Variants in TMEM232 observed in about 807,000 individuals in gnomAD.
The protein encoded by TMEM232 is transmembrane protein 232.
Under a neutral mutation model 78.8 loss-of-function variants are expected in TMEM232, and 80 were observed. That is an observed-to-expected ratio of 1.01 (90% CI 0.85 to 1.22). The LOEUF (loss-of-function observed/expected upper bound fraction) is 1.22, where lower values mean the gene tolerates loss of function less well. Among genes scored for constraint, TMEM232 ranks in the 50% most tolerant of loss-of-function variants. The probability of loss-of-function intolerance (pLI) is 0.00; values close to 1 mark genes in which losing one functional copy is unlikely to be tolerated. For synonymous variants in TMEM232, 297 were observed against 254.3 expected, an observed-to-expected ratio of 1.17 and a Z score of -1.60; for missense variants, 881 against 742.2, an observed-to-expected ratio of 1.19 and a Z score of -2.17.
At chr5:110,719,228 T>C (rs1255396422) in intron 1 of TMEM232, among the ~76,000 whole-genome samples, 2 of 151,882 alleles carry the variant, frequency 1.3e-5, no homozygotes, top group Non-Finnish European at 2.9e-5. Context: ...TATATATGTG[T>C]ATATATACAC....
chr5:110,516,135 A>G (rs1157954452), intron 12 of TMEM232, among the ~76,000 whole-genome samples: 1 of 152,114 alleles, frequency 6.6e-6, no homozygotes, highest in Non-Finnish European at 1.5e-5. Context: ...GCTACTCAGG[A>G]GGCTGACGCA....
chr5:110,486,564 T>C (rs1216326585), intron 12 of TMEM232, among the ~76,000 whole-genome samples: 1 of 152,180 alleles, frequency 6.6e-6, no homozygotes, highest in Non-Finnish European at 1.5e-5. Context: ...CACCATTTGT[T>C]GAAAAGGGTA....
chr5:110,653,386 C>T (rs985435575), intron 2 of TMEM232, among the ~76,000 whole-genome samples: 1 of 152,160 alleles, frequency 6.6e-6, no homozygotes, highest in African/African-American at 2.4e-5. Context: ...TAGTTCCTGG[C>T]ATATATTCAG....
intron 1 of TMEM232, among the ~76,000 whole-genome samples, chr5:110,672,403 G>C: frequency 6.6e-6 from 1 of 152,150 alleles, no homozygotes; most frequent in East Asian, 1.9e-4. Flanking sequence ...TATTTTAGCA[G>C]TACTGGTAAA....
chr5:110,495,356 G>C (rs1765532926), intron 12 of TMEM232, among the ~76,000 whole-genome samples: 1 of 151,804 alleles, frequency 6.6e-6, no homozygotes, highest in Admixed American at 6.6e-5. Flanking sequence ...GATTTAATTG[G>C]ACTGGGGAAG....
In TMEM232 at chr5:110,534,901, T is replaced by C. The variant is rs188371679; in HGVS notation, c.1456-6066A>G. Among the ~76,000 whole-genome samples, 1,477 of 152,112 alleles carry C rather than the reference T, an allele frequency of 9.7e-3. 34 individuals carry two copies. Among genetic ancestry groups the C allele is most frequent in the African/African-American group, 0.033 (1,379 of 41,482 alleles). ...ATCACCAATAATTCTAAATGACAAATATTTCTTCTAACAACCCCACAATAT... is the reference window on the plus strand; with the variant it reads ...ATCACCAATAATTCTAAATGACAAACATTTCTTCTAACAACCCCACAATAT... On this transcript the variant is annotated intron_variant, in intron 11 of 13. Coordinates refer to ENST00000455884, the MANE Select transcript of TMEM232 (RefSeq NM_001039763.4).
At chr5:110,578,777 C>T (rs28470846) in intron 10 of TMEM232, among the ~76,000 whole-genome samples, 83 of 151,730 alleles carry the variant, frequency 5.5e-4, no homozygotes, top group African/African-American at 1.8e-3. Flanking sequence ...AACATCAATT[C>T]GATAGGAACA....
chr5:110,547,358 C>T (rs77788184), intron 11 of TMEM232, among the ~76,000 whole-genome samples: 3,054 of 152,108 alleles, frequency 0.02, 79 homozygotes, highest in African/African-American at 0.057. Context: ...ATCACATAGG[C>T]CTAACAACTG....
intron 12 of TMEM232, among the ~76,000 whole-genome samples, chr5:110,464,715 G>A (rs1761891830): frequency 6.6e-6 from 1 of 152,114 alleles, no homozygotes; most frequent in African/African-American, 2.4e-5. Context: ...ATTACATTTT[G>A]AACAAAAGAG....
At chr5:110,707,341 T>C (rs1378179272) in intron 1 of TMEM232, among the ~76,000 whole-genome samples, 1 of 152,080 alleles carries the variant, frequency 6.6e-6, no homozygotes, top group African/African-American at 2.4e-5. Flanking sequence ...ATGTGTGTAA[T>C]TGGAGGAGGG....
At chr5:110,450,116 C>T (rs1026392409) in intron 12 of TMEM232, among the ~76,000 whole-genome samples, 41 of 152,088 alleles carry the variant, frequency 2.7e-4, no homozygotes, top group Non-Finnish European at 4.9e-4. Flanking sequence ...CATGTGAAAA[C>T]GTGCTTGCTG....
At chr5:110,592,517 G>T (rs1779650766) in intron 10 of TMEM232, among the ~76,000 whole-genome samples, 1 of 152,086 alleles carries the variant, frequency 6.6e-6, no homozygotes, top group African/African-American at 2.4e-5. Context: ...CTTTAATGCA[G>T]ATCAAACCTT....
intron 12 of TMEM232, among the ~76,000 whole-genome samples, chr5:110,480,156 A>C (rs1561547530): frequency 6.6e-6 from 1 of 151,852 alleles, no homozygotes; most frequent in Non-Finnish European, 1.5e-5. Context: ...AATGTTAAGT[A>C]AGCATAGCAG....
At chr5:110,427,819 T>C (rs1757408239) in intron 12 of TMEM232, among the ~76,000 whole-genome samples, 1 of 151,920 alleles carries the variant, frequency 6.6e-6, no homozygotes, top group Admixed American at 6.6e-5. Context: ...CTACTGTTCT[T>C]TTTCATACAA....
In TMEM232 at chr5:110,393,958, CAAA is replaced by C. The variant is rs201803686; in HGVS notation, n.391-3321_391-3319del. Among the ~76,000 whole-genome samples, 208 of 60,770 alleles carry C rather than the reference CAAA, an allele frequency of 3.4e-3. 2 individuals are homozygous for C. The highest frequency in any genetic ancestry group is 0.01 in the African/African-American group (202 of 19,634). 39.9% of individuals were successfully genotyped at this position (60,770 alleles called of 152,430 possible). On this transcript the variant is annotated intron_variant and non_coding_transcript_variant, in intron 3 of 8. Transcript: ENST00000507188. The stretch of plus-strand genomic sequence containing the variant: ...AGGTGACAAGAGTGAAACTTCATCT[CAAA>C]AAAAAAAAAAAAAAAGGAAAATAAA...
chr5:110,422,626 TA>T (rs1272602421), intron 13 of TMEM232, among the ~76,000 whole-genome samples: 2 of 149,648 alleles, frequency 1.3e-5, no homozygotes, highest in Non-Finnish European at 3.0e-5. Flanking sequence ...ACAGCATGTA[TA>T]AAAGCATCAG....
intron 1 of TMEM232, among the ~76,000 whole-genome samples, chr5:110,685,364 G>T (rs936875361): frequency 2.5e-4 from 38 of 152,014 alleles, no homozygotes; most frequent in African/African-American, 8.7e-4. Flanking sequence ...GCAGATATTG[G>T]TGATATACAG....
At chr5:110,398,338 C>T (rs547942703) in intron 2 of TMEM232, among the ~76,000 whole-genome samples, 1 of 152,246 alleles carries the variant, frequency 6.6e-6, no homozygotes, top group East Asian at 1.9e-4. Context: ...TGGTAGTTTT[C>T]ATTTGGGTAG....
intron 12 of TMEM232, among the ~76,000 whole-genome samples, chr5:110,490,122 AAAGAAAGAAAGAAAGAAAG>A (rs1235728862): frequency 7.7e-5 from 1 of 13,018 alleles, no homozygotes; most frequent in Non-Finnish European, 1.5e-4. Flanking sequence ...TCCGTTTCAA[AAAGAAAGAAAGAAAGAAAG>A]AAAGAAAGAA....
Sources: gnomAD v4.1 joint callset for allele counts (sites outside exome capture counted in the v4.1 genomes callset) on GRCh38, gnomAD v4.1.1 for gene constraint, MANE v1.5 for transcripts, NCBI Gene and HGNC (gene_info 2026-07-23, HGNC 2026-07-21) for gene names.